The following MATK variants were observed in gnomAD, a reference collection of about 807,000 sequenced individuals.
The protein encoded by MATK is megakaryocyte-associated tyrosine-protein kinase.
MATK carries 41 observed loss-of-function variants against 59.8 expected under a neutral mutation model. The ratio of observed to expected loss-of-function variants is 0.69; its 90% CI spans 0.53 to 0.89. MATK has a LOEUF of 0.89. MATK is among the 40% of genes least tolerant of loss of function. The pLI, the probability that MATK is intolerant of heterozygous loss-of-function variation, is 0.00. For synonymous variants in MATK, 308 were observed against 306.1 expected, an observed-to-expected ratio of 1.01 and a Z score of -0.06; for missense variants, 593 against 719.6, an observed-to-expected ratio of 0.82 and a Z score of 2.01.
chr19:3,784,932 T>C (rs773516764), intron 2 of MATK, 48 bp from the exon 3 acceptor site: 1 of 1,427,990 alleles, frequency 7.0e-7, no homozygotes, highest in Non-Finnish European at 9.7e-7. Flanking sequence ...GGACCCACGG[T>C]CCAGTTCCTA....
rs774364737 is a variant in MATK, at chr19:3,779,698, G to A, written c.842C>T (p.Thr281Met). The A allele has an allele frequency of 5.0e-6, 8 of 1,612,652 alleles. No homozygotes were observed. The highest frequency in any genetic ancestry group is 2.2e-5 in the East Asian group (1 of 44,888). ...TCCCCAGCCCCACCCTGGGACTCAC[G>A]TCATGACGGCCGTCTCGTCCAGGAA... ...QAFLDETAVM[T>M]KMQHENLVRL... Residue 281 changes from threonine to methionine, a missense_variant and splice_region_variant, in exon 9 of 14, where the codon ACG (threonine) becomes ATG (methionine). Coordinates refer to ENST00000310132, the MANE Select transcript of MATK (RefSeq NM_139355.3).
intron 8 of MATK, among the ~76,000 whole-genome samples, chr19:3,780,691 C>A (rs1425549396): frequency 6.6e-6 from 1 of 151,734 alleles, no homozygotes; most frequent in Non-Finnish European, 1.5e-5. Context: ...CTCAGCCTCC[C>A]AAAGTGCTGG....
intron 3 of MATK, 161 bp downstream of exon 3, chr19:3,784,664 G>A (rs952848459): frequency 2.9e-6 from 2 of 699,852 alleles, no homozygotes; most frequent in Admixed American, 2.2e-5. Flanking sequence ...GGCGGCCTGG[G>A]ACAGAAGGTC....
At chr19:3,780,375 C>A (rs1006383084) in intron 8 of MATK, among the ~76,000 whole-genome samples, 4 of 152,186 alleles carry the variant, frequency 2.6e-5, no homozygotes, top group African/African-American at 9.7e-5. Flanking sequence ...TACCTATCAC[C>A]TCTTTTTGCA....
At position 3,784,410 on chromosome 19, in the gene MATK, C is replaced by T. The variant is rs1366305991; in HGVS notation, c.174G>A (p.Glu58=). ...APGTQCITKC[E]HTRPKPGELA... is the part of the protein sequence containing the mutation. The stretch of plus-strand genomic sequence containing the variant: ...GCTCCCCTGGCTTGGGGCGGGTGTG[C>T]TCGCATTTGGTGATACACTGGGTGC... Residue 58 remains glutamate (E), a synonymous_variant, in exon 4 of 14, where the codon GAG becomes GAA. Coordinates refer to ENST00000310132, the MANE Select transcript of MATK (RefSeq NM_139355.3). 1 of 1,602,862 alleles carries T rather than the reference C, an allele frequency of 6.2e-7. No individual in the cohort carries two copies. Among genetic ancestry groups the T allele is most frequent in the East Asian group, 2.2e-5 (1 of 44,508 alleles).
chr19:3,779,344 C>T (rs761203915), intron 11 of MATK, 34 bp downstream of exon 11: 2 of 1,609,670 alleles, frequency 1.2e-6, no homozygotes, highest in Non-Finnish European at 1.7e-6. Context: ...CCCCGACGAC[C>T]CCAGTGCCGC....
intron 6 of MATK, among the ~76,000 whole-genome samples, chr19:3,783,563 C>T (rs953960302): frequency 3.3e-5 from 5 of 151,978 alleles, no homozygotes; most frequent in African/African-American, 1.2e-4. Context: ...GTCTGCCCAT[C>T]TGAGATGGGA....
intron 7 of MATK, 71 bp downstream of exon 7, chr19:3,783,055 C>A: frequency 6.7e-7 from 1 of 1,503,128 alleles, no homozygotes. Context: ...GTGCGGGGCC[C>A]CAGGGCCCTT....
intron 3 of MATK, 97 bp downstream of exon 3, chr19:3,784,728 G>A (rs988299290): frequency 8.4e-6 from 7 of 832,432 alleles, no homozygotes; most frequent in South Asian, 1.4e-5. Context: ...AAGGGGGTAG[G>A]GGGCAGAGAG....
Position 3,784,879 on chromosome 19 carries a change from G to A in MATK, c.78C>T (p.Ser26=), listed in dbSNP as rs749036644. 4 of 1,533,530 alleles carry A rather than the reference G, an allele frequency of 2.6e-6. No homozygotes were observed. The African/African-American group carries it at 4.1e-5, about 16-fold the overall frequency. The allele number at this position is 1,533,530 out of a possible 1,614,324, so 95.0% of individuals were successfully genotyped here. A position where few individuals can be genotyped will look rare whatever the true frequency, so the allele number is the denominator to read the frequency against. The change falls in exon 3 of 14, where the codon AGC becomes AGT. Residue 26 remains serine (S), a synonymous_variant. Transcript: ENST00000310132. The part of the protein sequence containing the change: ...CDSAEELPRV[S]PRFLRAWHPP... ...GGTGCCAGGCTCGGAGGAAGCGGGG[G>A]CTCACCTGGGGAGGGGACAGAGTCC...
chr19:3,790,149 A>G (rs901047915), upstream of MATK, among the ~76,000 whole-genome samples: 11 of 152,320 alleles, frequency 7.2e-5, no homozygotes, highest in Admixed American at 1.3e-4. Context: ...ACCAAGAATT[A>G]GCCACTTTGA....
upstream of MATK, among the ~76,000 whole-genome samples, chr19:3,790,889 C>T (rs987786108): frequency 2.6e-5 from 4 of 152,042 alleles, no homozygotes; most frequent in Non-Finnish European, 4.4e-5. Flanking sequence ...TGAGCCTGGC[C>T]GTCTCTCCTT....
chr19:3,779,228 T>G (rs751018172), intron 11 of MATK, 41 bp from the exon 12 acceptor site: 4 of 1,550,892 alleles, frequency 2.6e-6, no homozygotes, highest in Non-Finnish European at 3.5e-6. Context: ...GGTGCCAGGA[T>G]GCCCACATTC....
intron 7 of MATK, among the ~76,000 whole-genome samples, chr19:3,782,374 T>C (rs939763021): frequency 2.6e-5 from 4 of 152,224 alleles, no homozygotes; most frequent in African/African-American, 9.6e-5. Context: ...ATGCCATCCC[T>C]GATGGGTACA....
intron 1 of MATK, among the ~76,000 whole-genome samples, chr19:3,797,223 C>A (rs867365029): frequency 2.4e-5 from 3 of 122,922 alleles, no homozygotes; most frequent in Non-Finnish European, 3.8e-5. Context: ...CATTTTCTTG[C>A]CTACCTTCCC....
chr19:3,789,025 T>C (rs1251163773), upstream of MATK, among the ~76,000 whole-genome samples: 2 of 152,020 alleles, frequency 1.3e-5, no homozygotes, highest in Non-Finnish European at 2.9e-5. Flanking sequence ...GGGTTGTAAT[T>C]TACTATTAGA....
At chr19:3,783,726 C>T in intron 6 of MATK, 88 bp downstream of exon 6, 1 of 1,261,922 alleles carries the variant, frequency 7.9e-7, no homozygotes, top group Non-Finnish European at 1.1e-6. Context: ...GTCAGGTGAC[C>T]CGCCCCTCTA....
intron 1 of MATK, 55 bp from the exon 2 acceptor site, chr19:3,785,341 C>A: frequency 3.3e-6 from 4 of 1,200,372 alleles, no homozygotes; most frequent in Non-Finnish European, 4.5e-6. Flanking sequence ...AGGTCATTCC[C>A]AAGAATCTCT....
At chr19:3,785,368 T>G in intron 1 of MATK, 82 bp from the exon 2 acceptor site, 5 of 927,242 alleles carry the variant, frequency 5.4e-6, no homozygotes, top group South Asian at 1.8e-5. Context: ...GGGGTGGAGC[T>G]GGGGGCAGGG....
Sources: gnomAD v4.1 joint callset for allele counts (sites outside exome capture counted in the v4.1 genomes callset) on GRCh38, gnomAD v4.1.1 for gene constraint, MANE v1.5 for transcripts, NCBI Gene and HGNC (gene_info 2026-07-23, HGNC 2026-07-21) for gene names.